Variants in EPHA3 observed in about 807,000 individuals in gnomAD.
EPHA3 encodes the protein ephrin type-A receptor 3.
A neutral mutation model predicts 107.1 loss-of-function variants in EPHA3; 42 were observed. The ratio of observed to expected loss-of-function variants is 0.39; its 90% confidence interval spans 0.31 to 0.51. The LOEUF is 0.51. Among genes scored for constraint, EPHA3 ranks in the 20% least tolerant of loss-of-function variants. The pLI is 0.78. For synonymous variants in EPHA3, 461 were observed against 424.8 expected (o/e 1.09, Z -1.05); for missense variants, 1,183 against 1,211.2 (o/e 0.98, Z 0.35).
intron 2 of EPHA3, among the ~76,000 whole-genome samples, chr3:89,181,904 A>T (rs555164893): frequency 6.6e-6 from 1 of 151,920 alleles, no homozygotes; most frequent in Non-Finnish European, 1.5e-5. Context: ...AAATGCTAGT[A>T]CCTTTTTTAA....
chr3:89,289,160 A>G (rs1706156831), intron 3 of EPHA3, among the ~76,000 whole-genome samples: 1 of 152,162 alleles, frequency 6.6e-6, no homozygotes, highest in African/African-American at 2.4e-5. Flanking sequence ...TCACAGAGCT[A>G]GAAAGCAATC....
chr3:89,446,450 A>G (rs796067019), intron 13 of EPHA3, among the ~76,000 whole-genome samples: 49 of 152,280 alleles, frequency 3.2e-4, no homozygotes, highest in African/African-American at 1.1e-3. Context: ...ATTAATCTCA[A>G]TGCTCTTCTC....
intron 6 of EPHA3, 23 bp from the exon 7 acceptor site, chr3:89,399,295 A>T (rs755297028): frequency 1.3e-6 from 2 of 1,582,922 alleles, no homozygotes; most frequent in Admixed American, 3.4e-5. Context: ...TTTTAACATG[A>T]ATTTTTTTTT....
intron 13 of EPHA3, among the ~76,000 whole-genome samples, chr3:89,445,615 T>C (rs1709864384): frequency 6.6e-6 from 1 of 152,124 alleles, no homozygotes; most frequent in Non-Finnish European, 1.5e-5. Flanking sequence ...TAATAACATG[T>C]CCAAAATAAA....
chr3:89,413,270 A>G lies in EPHA3; in HGVS notation c.1888+4A>G. 1 of 1,611,372 alleles carries G rather than the reference A, an allele frequency of 6.2e-7. No individual in the cohort carries two copies. Among genetic ancestry groups the G allele is most frequent in the Non-Finnish European group, 8.5e-7 (1 of 1,178,030 alleles). ...ATTGATAAAGTTGTTGGAGCAGGTA[A>G]CCACAATGACCCTACTGCCAACTTA... is the stretch of plus-strand genomic sequence containing the variant. On this transcript the variant is annotated splice_donor_region_variant and intron_variant, in intron 10 of 16. Transcript: ENST00000336596.
At chr3:89,140,781 A>T (rs188677945) in intron 2 of EPHA3, among the ~76,000 whole-genome samples, 2 of 151,700 alleles carry the variant, frequency 1.3e-5, no homozygotes, top group African/African-American at 2.4e-5. Context: ...TTAATAGTTT[A>T]TGTAGCATAC....
At chr3:89,194,931 G>A (rs985827810) in intron 2 of EPHA3, among the ~76,000 whole-genome samples, 7 of 151,950 alleles carry the variant, frequency 4.6e-5, no homozygotes, top group African/African-American at 1.4e-4. Context: ...GAGCAATTTC[G>A]ATAATACAGT....
At chr3:89,473,997 T>A (rs1025961435) in intron 16 of EPHA3, among the ~76,000 whole-genome samples, 6 of 152,150 alleles carry the variant, frequency 3.9e-5, no homozygotes, top group Non-Finnish European at 8.8e-5. Context: ...TTAAGTATTA[T>A]CATCTCCCAC....
intron 5 of EPHA3, among the ~76,000 whole-genome samples, chr3:89,381,129 C>T (rs1469419023): frequency 7.9e-5 from 12 of 151,810 alleles, no homozygotes; most frequent in Non-Finnish European, 1.6e-4. Context: ...CCCGCCACCA[C>T]GCCTGGCTAA....
chr3:89,171,334 A>G (rs777940660), intron 2 of EPHA3, among the ~76,000 whole-genome samples: 1 of 152,222 alleles, frequency 6.6e-6, no homozygotes, highest in Non-Finnish European at 1.5e-5. Flanking sequence ...CTATGAGAAC[A>G]ATAATGTCTC....
intron 3 of EPHA3, among the ~76,000 whole-genome samples, chr3:89,336,525 G>T (rs770671882): frequency 3.3e-5 from 5 of 152,058 alleles, no homozygotes; most frequent in Admixed American, 6.6e-5. Context: ...TATAGAGATT[G>T]TTTCTTTATA....
chr3:89,188,850 T>A (rs1034825262), intron 2 of EPHA3, among the ~76,000 whole-genome samples: 8 of 152,338 alleles, frequency 5.3e-5, no homozygotes, highest in Non-Finnish European at 1.0e-4. Context: ...CATTCTTCAC[T>A]ATCTGTTCTC....
At chr3:89,276,308 T>G (rs1265419475) in intron 3 of EPHA3, among the ~76,000 whole-genome samples, 1 of 152,114 alleles carries the variant, frequency 6.6e-6, no homozygotes, top group Non-Finnish European at 1.5e-5. Context: ...AGGATGTCTA[T>G]CAAGCATTGT....
At chr3:89,418,476 A>G (rs1169196534) in intron 10 of EPHA3, among the ~76,000 whole-genome samples, 1 of 151,482 alleles carries the variant, frequency 6.6e-6, no homozygotes, top group East Asian at 1.9e-4. Flanking sequence ...GCAGTTTTAT[A>G]TCAACTGGAC....
chr3:89,158,876 A>G (rs1355373480), intron 2 of EPHA3, among the ~76,000 whole-genome samples: 3 of 152,132 alleles, frequency 2.0e-5, no homozygotes. Flanking sequence ...GAAAAAATAC[A>G]TATATTTGCC....
chr3:89,413,971 A>G (rs1278036907), intron 10 of EPHA3, among the ~76,000 whole-genome samples: 1 of 151,684 alleles, frequency 6.6e-6, no homozygotes, highest in Non-Finnish European at 1.5e-5. Context: ...TATGCATGGA[A>G]GTAAAACTAC....
intron 15 of EPHA3, among the ~76,000 whole-genome samples, chr3:89,459,541 CCTTT>C (rs1331601472): frequency 5.7e-4 from 85 of 149,762 alleles, no homozygotes; most frequent in African/African-American, 2.0e-3. Flanking sequence ...TTCCTTTCTT[CCTTT>C]CTTTCTTTCT....
chr3:89,284,993 G>C (rs1408830963), intron 3 of EPHA3, among the ~76,000 whole-genome samples: 1 of 152,072 alleles, frequency 6.6e-6, no homozygotes, highest in East Asian at 1.9e-4. Flanking sequence ...GGGCACGGTG[G>C]TGGGAGCCTG....
chr3:89,440,528 C>CG (rs1709762654), intron 13 of EPHA3, among the ~76,000 whole-genome samples: 1 of 152,146 alleles, frequency 6.6e-6, no homozygotes, highest in Non-Finnish European at 1.5e-5. Context: ...CTTGAAGCCC[C>CG]GTAACCCATA....
Sources: allele counts gnomAD v4.1 joint callset (sites outside exome capture counted in the v4.1 genomes callset), GRCh38; gene constraint gnomAD v4.1.1; transcripts MANE v1.5; gene names NCBI Gene and HGNC (gene_info 2026-07-23, HGNC 2026-07-21).